GPC5: variants seen among roughly 807,000 people sequenced by gnomAD.
GPC5 encodes glypican 5.
GPC5 carries 47 observed loss-of-function variants against 53.9 expected under a neutral mutation model. That is an observed-to-expected ratio of 0.87 (90% CI 0.69 to 1.11). GPC5 has a LOEUF of 1.11. GPC5 is among the 50% of genes most tolerant of loss of function. GPC5 has a pLI of 0.00. For synonymous variants in GPC5, 286 were observed against 263.3 expected (o/e 1.09, Z -0.84); for missense variants, 748 against 713.1 (o/e 1.05, Z -0.56).
chr13:91,762,224 C>A (rs1183091658), intron 5 of GPC5, among the ~76,000 whole-genome samples: 1 of 151,978 alleles, frequency 6.6e-6, no homozygotes, highest in East Asian at 1.9e-4. Flanking sequence ...CTTTATAAAT[C>A]TCTGAGAGTT....
At chr13:92,319,004 G>T (rs2043198263) in intron 7 of GPC5, among the ~76,000 whole-genome samples, 1 of 152,122 alleles carries the variant, frequency 6.6e-6, no homozygotes, top group South Asian at 2.1e-4. Flanking sequence ...AGACACAGGG[G>T]CTAATTGAAG....
intron 2 of GPC5, among the ~76,000 whole-genome samples, chr13:91,638,609 G>T (rs1463255922): frequency 1.3e-5 from 2 of 151,994 alleles, no homozygotes; most frequent in African/African-American, 4.8e-5. Context: ...CAAGTGATCT[G>T]CCCGCCTCAG....
rs373461897 is a variant in GPC5 at position 92,185,324 on chromosome 13, A to C, written c.1561+40335A>C. On this transcript the variant is annotated intron_variant, in intron 7 of 7. Coordinates refer to ENST00000377067, the MANE Select transcript of GPC5 (RefSeq NM_004466.6). ...TGAAAATACAATAATTTTGATCTTC[A>C]TGCTAGTATGGACATAGATATCACT... 1.2e-4 allele frequency among the ~76,000 whole-genome samples: 18 copies of C among 152,328 alleles called. No homozygotes were observed. In the East Asian group the frequency reaches 2.3e-3, roughly 20 times the overall value.
chr13:92,173,602 G>A (rs78601252), intron 7 of GPC5, among the ~76,000 whole-genome samples: 1,912 of 152,166 alleles, frequency 0.013, 33 homozygotes, highest in African/African-American at 0.044. Flanking sequence ...TTAATAAAGT[G>A]TTCTTTAGTA....
intron 5 of GPC5, among the ~76,000 whole-genome samples, chr13:91,840,316 T>C (rs1455549107): frequency 6.6e-6 from 1 of 152,114 alleles, no homozygotes; most frequent in Non-Finnish European, 1.5e-5. Flanking sequence ...GACACTTAGC[T>C]CAGTGCCTGA....
At chr13:92,343,112 G>A (rs1291812259) in intron 7 of GPC5, among the ~76,000 whole-genome samples, 2 of 152,240 alleles carry the variant, frequency 1.3e-5, no homozygotes, top group African/African-American at 2.4e-5. Context: ...TTCATTTACA[G>A]AGAAACATTT....
intron 7 of GPC5, among the ~76,000 whole-genome samples, chr13:92,701,717 A>G (rs1300792108): frequency 1.3e-5 from 2 of 150,528 alleles, no homozygotes; most frequent in African/African-American, 4.9e-5. Flanking sequence ...ATATTTCACA[A>G]ATCACAAGTT....
chr13:91,670,406 G>A (rs560645682), intron 2 of GPC5, among the ~76,000 whole-genome samples: 2 of 152,244 alleles, frequency 1.3e-5, no homozygotes, highest in South Asian at 4.1e-4. Flanking sequence ...AAATCTGACA[G>A]AATGGTCTGA....
At chr13:92,321,875 T>G (rs1345456873) in intron 7 of GPC5, among the ~76,000 whole-genome samples, 2 of 152,156 alleles carry the variant, frequency 1.3e-5, no homozygotes, top group African/African-American at 4.8e-5. Context: ...TTTGAAATAA[T>G]TTAGTTGTCA....
At chr13:91,524,847 C>T (rs1233024154) in intron 2 of GPC5, among the ~76,000 whole-genome samples, 1 of 152,176 alleles carries the variant, frequency 6.6e-6, no homozygotes. Flanking sequence ...TTCATTAAAT[C>T]CCTGTTCCCA....
intron 7 of GPC5, among the ~76,000 whole-genome samples, chr13:92,760,606 ATCTGTTC>A (rs1357983690): frequency 2.0e-5 from 3 of 151,102 alleles, no homozygotes; most frequent in Non-Finnish European, 4.4e-5. Flanking sequence ...TTCAAAAACC[ATCTGTTC>A]TATTGATTTT....
intron 5 of GPC5, among the ~76,000 whole-genome samples, chr13:91,789,918 T>C (rs1279183708): frequency 6.6e-6 from 1 of 152,258 alleles, no homozygotes; most frequent in East Asian, 1.9e-4. Flanking sequence ...GCTAGGCGCT[T>C]TCACAAAAGG....
intron 3 of GPC5, among the ~76,000 whole-genome samples, chr13:91,717,534 G>A (rs889650128): frequency 1.3e-5 from 2 of 152,096 alleles, no homozygotes; most frequent in African/African-American, 4.8e-5. Flanking sequence ...CGAGATACCT[G>A]ATGAAAGCAG....
intron 6 of GPC5, among the ~76,000 whole-genome samples, chr13:91,986,425 C>T (rs1057211804): frequency 6.6e-6 from 1 of 152,280 alleles, no homozygotes; most frequent in Non-Finnish European, 1.5e-5. Flanking sequence ...CTAGAAACTA[C>T]GATTTAGATG....
chr13:92,279,809 G>A (rs1227894547), intron 7 of GPC5, among the ~76,000 whole-genome samples: 3 of 151,772 alleles, frequency 2.0e-5, no homozygotes, highest in East Asian at 3.9e-4. Flanking sequence ...ATGCTTATTT[G>A]GTTTTCAAGT....
intron 6 of GPC5, among the ~76,000 whole-genome samples, chr13:92,124,856 G>A (rs2041681860): frequency 6.6e-6 from 1 of 152,156 alleles, no homozygotes; most frequent in Non-Finnish European, 1.5e-5. Context: ...TGGGATGGGT[G>A]GCTTCTGACA....
intron 2 of GPC5, among the ~76,000 whole-genome samples, chr13:91,533,427 C>T (rs548923173): frequency 6.6e-6 from 1 of 152,154 alleles, no homozygotes; most frequent in South Asian, 2.1e-4. Context: ...TAAAAAACCC[C>T]ACATAATAAT....
At chr13:91,765,170 G>A (rs749672395) in intron 5 of GPC5, among the ~76,000 whole-genome samples, 3 of 152,228 alleles carry the variant, frequency 2.0e-5, no homozygotes, top group Admixed American at 6.5e-5. Context: ...TTCCATTTGC[G>A]TAGGCATAGG....
At chr13:92,018,993 T>G (rs1303634158) in intron 6 of GPC5, among the ~76,000 whole-genome samples, 2 of 152,032 alleles carry the variant, frequency 1.3e-5, no homozygotes, top group Non-Finnish European at 2.9e-5. Flanking sequence ...TCTTTGGTAC[T>G]TAATCAATAA....
Sources: gnomAD v4.1 joint callset for allele counts (sites outside exome capture counted in the v4.1 genomes callset) on GRCh38, gnomAD v4.1.1 for gene constraint, MANE v1.5 for transcripts, NCBI Gene and HGNC (gene_info 2026-07-23, HGNC 2026-07-21) for gene names.